Variants in CMSS1 observed in about 807,000 individuals in gnomAD.
CMSS1 encodes cms1 ribosomal small subunit homolog.
CMSS1 carries 33 observed loss-of-function variants against 43.5 expected under a neutral mutation model. That is an observed-to-expected ratio of 0.76 (90% confidence interval 0.57 to 1.01). CMSS1 has a LOEUF of 1.01. Among genes scored for constraint, CMSS1 ranks in the 50% least tolerant of loss-of-function variants. The pLI, the probability that CMSS1 is intolerant of heterozygous loss-of-function variation, is 0.00. For missense variants in CMSS1, 313 were observed against 326.4 expected (o/e 0.96, Z 0.32); for synonymous variants, 115 against 117.2 (o/e 0.98, Z 0.12).
At chr3:100,142,653 A>G (rs2066814564) in intron 1 of CMSS1, among the ~76,000 whole-genome samples, 2 of 152,120 alleles carry the variant, frequency 1.3e-5, no homozygotes, top group Non-Finnish European at 2.9e-5. Context: ...CAGAGTTTCT[A>G]TTTTTTAAGA....
At chr3:100,104,488 G>A (rs185505730) in intron 1 of CMSS1, among the ~76,000 whole-genome samples, 19 of 152,302 alleles carry the variant, frequency 1.2e-4, no homozygotes, top group Admixed American at 3.9e-4. Flanking sequence ...AAATAAAACT[G>A]TTAGCAGTTC....
rs2066541480 is a variant in CMSS1, at chr3:100,114,654, C to G, written c.65-32319C>G. 2.7e-5 allele frequency: 6 copies of G among 226,058 alleles called. No individual in the cohort carries two copies. The East Asian group carries it at 5.2e-4, about 20-fold the overall frequency. The allele number at this position is 226,058 out of a possible 1,614,324, so 14.0% of individuals were successfully genotyped here. Reference sequence around the variant, plus strand: ...CATCTTGGCTGAGAGTAGAAACTTCCCAAGCACAACCTGGGTCCCATTCTT... The same window carrying G: ...CATCTTGGCTGAGAGTAGAAACTTCGCAAGCACAACCTGGGTCCCATTCTT... On this transcript the variant is annotated intron_variant, in intron 1 of 9. Coordinates refer to ENST00000421999, the MANE Select transcript of CMSS1 (RefSeq NM_032359.4).
intron 1 of CMSS1, 95 bp from the exon 2 acceptor site, chr3:100,146,878 G>A: frequency 2.8e-6 from 4 of 1,439,368 alleles, no homozygotes; most frequent in Non-Finnish European, 3.7e-6. Flanking sequence ...GAATTAAAAA[G>A]TGAAGAGATA....
chr3:99,988,511 CAAAAAA>C (rs757175318), intron 1 of CMSS1, among the ~76,000 whole-genome samples: 2 of 47,880 alleles, frequency 4.2e-5, no homozygotes, highest in African/African-American at 6.8e-5. Context: ...GACTCCATCT[CAAAAAA>C]AAAAAAAAAA....
intron 1 of CMSS1, among the ~76,000 whole-genome samples, chr3:99,896,946 A>G (rs1212848277): frequency 6.6e-6 from 1 of 152,204 alleles, no homozygotes; most frequent in Non-Finnish European, 1.5e-5. Flanking sequence ...TAGAAAATGT[A>G]TTTTCAGTCG....
intron 8 of CMSS1, 153 bp from the exon 9 acceptor site, chr3:100,176,174 A>G (rs1237339187): frequency 3.6e-6 from 2 of 560,196 alleles, no homozygotes; most frequent in African/African-American, 1.9e-5. Context: ...TTTGTTTTCC[A>G]TCAGGGAAGG....
chr3:100,102,467 G>C (rs1299559443), intron 1 of CMSS1, among the ~76,000 whole-genome samples: 1 of 152,146 alleles, frequency 6.6e-6, no homozygotes, highest in African/African-American at 2.4e-5. Context: ...TCATCAGCGT[G>C]ATTTCTGCTT....
chr3:99,885,858 C>T (rs376680736), intron 1 of CMSS1, among the ~76,000 whole-genome samples: 106 of 152,288 alleles, frequency 7.0e-4, no homozygotes, highest in Middle Eastern at 6.8e-3. Context: ...AAGAACAATA[C>T]AGCTCAACTC....
At chr3:99,982,371 A>G (rs1709151101) in intron 1 of CMSS1, among the ~76,000 whole-genome samples, 1 of 151,274 alleles carries the variant, frequency 6.6e-6, no homozygotes, top group Non-Finnish European at 1.5e-5. Flanking sequence ...ACAGGGTCTC[A>G]CTCTTTCAAC....
Position 100,091,296 on chromosome 3 carries a change from A to G in CMSS1, c.65-55677A>G, listed in dbSNP as rs111416358. 1.6e-3 allele frequency among the ~76,000 whole-genome samples: 240 copies of G among 148,338 alleles called. 2 individuals are homozygous for G. Among genetic ancestry groups the G allele is most frequent in the African/African-American group, 5.3e-3 (214 of 40,570 alleles). On this transcript the variant is annotated intron_variant, in intron 1 of 9. Coordinates refer to ENST00000421999, the MANE Select transcript of CMSS1 (RefSeq NM_032359.4). ...CGAGACTCCGTCTCAAAAAAAAAAA[A>G]AAAAAAGAAAAAAGAAACCCTGCCT...
intron 1 of CMSS1, among the ~76,000 whole-genome samples, chr3:99,928,174 C>T (rs532332166): frequency 1.3e-5 from 2 of 152,294 alleles, no homozygotes; most frequent in East Asian, 3.9e-4. Context: ...CACTGCCCTC[C>T]CTTTATTTTC....
intron 1 of CMSS1, among the ~76,000 whole-genome samples, chr3:100,034,736 A>C (rs1174166081): frequency 6.6e-6 from 1 of 152,184 alleles, no homozygotes; most frequent in Non-Finnish European, 1.5e-5. Flanking sequence ...GTTGATAAAG[A>C]ATATTAGTGT....
intron 1 of CMSS1, among the ~76,000 whole-genome samples, chr3:99,957,810 A>G (rs1415279458): frequency 6.7e-6 from 1 of 148,428 alleles, no homozygotes; most frequent in Non-Finnish European, 1.5e-5. Flanking sequence ...TTTTTCACAC[A>G]TAGCTTGTTT....
chr3:100,162,517 C>T (rs1452198460), intron 4 of CMSS1, 85 bp downstream of exon 4: 51 of 1,431,176 alleles, frequency 3.6e-5, no homozygotes, highest in Admixed American at 1.4e-4. Flanking sequence ...AGTCAATTAA[C>T]ACATTTTCCA....
chr3:100,138,051 A>G (rs2066770861), intron 1 of CMSS1, among the ~76,000 whole-genome samples: 1 of 152,206 alleles, frequency 6.6e-6, no homozygotes, highest in Non-Finnish European at 1.5e-5. Flanking sequence ...ATCTACAACC[A>G]TCTGATCTTC....
intron 1 of CMSS1, among the ~76,000 whole-genome samples, chr3:99,858,313 A>G (rs1414822370): frequency 6.6e-6 from 1 of 151,988 alleles, no homozygotes; most frequent in African/African-American, 2.4e-5. Flanking sequence ...AAAATACAAA[A>G]AATTAGCTGG....
At chr3:99,941,738 A>C (rs1343560835) in intron 1 of CMSS1, among the ~76,000 whole-genome samples, 1 of 152,250 alleles carries the variant, frequency 6.6e-6, no homozygotes, top group Non-Finnish European at 1.5e-5. Flanking sequence ...AGTATTTAAT[A>C]ATGTAGGAAA....
chr3:99,988,733 T>G (rs151165859), intron 1 of CMSS1, among the ~76,000 whole-genome samples: 2 of 152,334 alleles, frequency 1.3e-5, no homozygotes, highest in African/African-American at 2.4e-5. Context: ...AAAAGCATTG[T>G]CTGGATTGCC....
intron 1 of CMSS1, among the ~76,000 whole-genome samples, chr3:100,105,923 C>A (rs189258898): frequency 6.6e-6 from 1 of 152,104 alleles, no homozygotes; most frequent in Non-Finnish European, 1.5e-5. Flanking sequence ...TTTCTCACTT[C>A]AAACTTAGAA....
Sources: allele counts gnomAD v4.1 joint callset (sites outside exome capture counted in the v4.1 genomes callset), GRCh38; gene constraint gnomAD v4.1.1; transcripts MANE v1.5; gene names NCBI Gene and HGNC (gene_info 2026-07-23, HGNC 2026-07-21).